NEURL1: variants seen among roughly 807,000 people sequenced by gnomAD.
NEURL1 encodes the protein neuralized E3 ubiquitin protein ligase 1.
In NEURL1, 26 loss-of-function variants were observed where a neutral mutation model predicts 41.2. The observed-to-expected ratio is 0.63, with a 90% confidence interval of 0.46 to 0.87. The LOEUF (loss-of-function observed/expected upper bound fraction) is 0.87. Ranked by LOEUF, NEURL1 falls within the 40% of genes least tolerant of loss-of-function variation. The probability of loss-of-function intolerance (pLI) is 0.00; values close to 1 mark genes in which losing one functional copy is unlikely to be tolerated. For synonymous variants in NEURL1, 400 were observed against 402.3 expected (o/e 0.99, Z 0.07); for missense variants, 761 against 871.1 (o/e 0.87, Z 1.59).
intron 1 of NEURL1, among the ~76,000 whole-genome samples, chr10:103,500,985 G>A (rs947872461): frequency 6.6e-6 from 1 of 152,138 alleles, no homozygotes; most frequent in Non-Finnish European, 1.5e-5. Flanking sequence ...AGAGTTGGAT[G>A]GGGGAGATTT....
intron 1 of NEURL1, among the ~76,000 whole-genome samples, chr10:103,564,162 G>A (rs1314637620): frequency 6.6e-6 from 1 of 152,218 alleles, no homozygotes; most frequent in Non-Finnish European, 1.5e-5. Flanking sequence ...TGAGAGGCAG[G>A]AATGTGGTCT....
intron 1 of NEURL1, among the ~76,000 whole-genome samples, chr10:103,560,655 A>T (rs1031542757): frequency 3.9e-5 from 6 of 152,148 alleles, no homozygotes; most frequent in African/African-American, 1.4e-4. Flanking sequence ...CACCCTGGGC[A>T]TGCACAGGGG....
In NEURL1 at chr10:103,571,557, G is replaced by C; in HGVS notation, c.384G>C (p.Lys128Asn). Residue 128 changes from lysine (K) to asparagine (N), a missense_variant, in exon 3 of 6, where the codon AAG (lysine) becomes AAC (asparagine). Transcript: ENST00000369780. ...CCCTGCGGCTGGGCTTCACCAGCAA[G>C]GACCCGTCCCGCATCCACCCTGACT... ...SGALRLGFTSKDPSRIHPDSL... is the reference protein window; with the variant it reads ...SGALRLGFTSNDPSRIHPDSL... 2 of 1,612,596 alleles carry C rather than the reference G, an allele frequency of 1.2e-6. No homozygotes were observed. The highest frequency in any genetic ancestry group is 2.2e-5 in the South Asian group (2 of 91,042).
intron 1 of NEURL1, among the ~76,000 whole-genome samples, chr10:103,499,746 G>A (rs1475061543): frequency 6.6e-6 from 1 of 152,034 alleles, no homozygotes; most frequent in Non-Finnish European, 1.5e-5. Context: ...TGGGGCCACT[G>A]TGCTCAGCCT....
In NEURL1 at chr10:103,556,882, G is replaced by A. The variant is rs1041244420; in HGVS notation, c.86-13990G>A. Among the ~76,000 whole-genome samples, 4 of 152,136 alleles carry A rather than the reference G, an allele frequency of 2.6e-5. No individual in the cohort carries two copies. Among genetic ancestry groups the A allele is most frequent in the South Asian group, 4.1e-4 (2 of 4,828 alleles). The stretch of plus-strand genomic sequence containing the variant: ...GCCTGTTGGCAGAGGGTCTGGAGCC[G>A]ACTGGCATTTTCCACTGGAGTCAGA... On this transcript the variant is annotated intron_variant, in intron 1 of 5. Transcript: ENST00000369780. This position sits in a 1 kb window ranked among gnomAD's most constrained non-coding sequence, Gnocchi z 4.4.
At chr10:103,548,536 T>G (rs1347556389) in intron 1 of NEURL1, among the ~76,000 whole-genome samples, 6 of 151,386 alleles carry the variant, frequency 4.0e-5, no homozygotes, top group Non-Finnish European at 4.4e-5. Flanking sequence ...TTGGCCAGGA[T>G]GGTCTCGAAC....
Position 103,558,198 on chromosome 10 carries a change from C to A in NEURL1, c.86-12674C>A. 1 of 985,346 alleles carries A rather than the reference C, an allele frequency of 1.0e-6. No homozygotes were observed. The highest frequency in any genetic ancestry group is 4.7e-5 in the South Asian group (1 of 21,278). 61.0% of individuals were successfully genotyped at this position (985,346 alleles called of 1,614,324 possible). ...TGGCTGATTGTATTTTCTTTAGGGCCTTGGACTTTCGGCTTGATTCGGGCC... is the reference window on the plus strand; with the variant it reads ...TGGCTGATTGTATTTTCTTTAGGGCATTGGACTTTCGGCTTGATTCGGGCC... On this transcript the variant is annotated intron_variant, in intron 1 of 5. Coordinates refer to ENST00000369780, the MANE Select transcript of NEURL1 (RefSeq NM_004210.5). This position sits in a 1 kb window ranked among gnomAD's most constrained non-coding sequence, Gnocchi z 4.2.
chr10:103,540,607 CACT>C (rs1325300382), intron 1 of NEURL1, among the ~76,000 whole-genome samples: 2 of 152,202 alleles, frequency 1.3e-5, no homozygotes, highest in Non-Finnish European at 2.9e-5. Flanking sequence ...TTATTTTTAT[CACT>C]ACTTTTTTCT....
At chr10:103,583,705 CAAAAAA>C (rs1228630032) in intron 3 of NEURL1, among the ~76,000 whole-genome samples, 2 of 19,560 alleles carry the variant, frequency 1.0e-4, no homozygotes, top group Non-Finnish European at 1.8e-4. Flanking sequence ...GATCCTGTCT[CAAAAAA>C]AAAAAAAAAA....
chr10:103,549,037 A>G (rs1266689245), intron 1 of NEURL1: 2 of 152,342 alleles, frequency 1.3e-5, no homozygotes, highest in African/African-American at 2.4e-5. Context: ...TCCTGGGAAT[A>G]GAAACCTGGT....
chr10:103,505,375 C>T (rs2033924510), intron 1 of NEURL1, among the ~76,000 whole-genome samples: 1 of 152,178 alleles, frequency 6.6e-6, no homozygotes, highest in East Asian at 1.9e-4. Flanking sequence ...AGGCACCTAC[C>T]ACCACACCTG....
At chr10:103,528,894 G>A (rs1174707320) in intron 1 of NEURL1, among the ~76,000 whole-genome samples, 1 of 152,144 alleles carries the variant, frequency 6.6e-6, no homozygotes, top group Admixed American at 6.5e-5. Context: ...AGCTGATTTG[G>A]GGTTGCTACC....
At chr10:103,570,848 A>T in intron 1 of NEURL1, 24 bp from the exon 2 acceptor site, 1 of 1,601,902 alleles carries the variant, frequency 6.2e-7, no homozygotes, top group Non-Finnish European at 8.5e-7. Context: ...AAGTTCTCTG[A>T]CACCGTGGCC....
At chr10:103,494,572 G>A in intron 1 of NEURL1, 100 bp downstream of exon 1, 1 of 1,073,664 alleles carries the variant, frequency 9.3e-7, no homozygotes, top group East Asian at 3.0e-5. Context: ...TGTTGTGCGT[G>A]TCTGGAGGCC....
chr10:103,552,549 C>A lies in NEURL1; in HGVS notation c.86-18323C>A, dbSNP rs1279013004. On this transcript the variant is annotated intron_variant, in intron 1 of 5. Transcript: ENST00000369780. ...TTTCAGGAAAGCCTGTCCTGAGCCT[C>A]CCAGAACCTTGCTCCTTTCTTTCAG... 5.3e-5 allele frequency among the ~76,000 whole-genome samples: 8 copies of A among 152,344 alleles called. No homozygotes were observed. The East Asian group carries it at 7.7e-4, about 15-fold the overall frequency.
At chr10:103,583,241 C>A (rs1405646003) in intron 3 of NEURL1, among the ~76,000 whole-genome samples, 1 of 151,998 alleles carries the variant, frequency 6.6e-6, no homozygotes, top group Non-Finnish European at 1.5e-5. Context: ...AGCCTGGAGT[C>A]CTTGCCCATG....
At chr10:103,555,311 GC>G in intron 1 of NEURL1, 1 of 1,268,124 alleles carries the variant, frequency 7.9e-7, no homozygotes, top group Non-Finnish European at 1.0e-6. Context: ...GAGGGGAGCA[GC>G]CGGCCGGGGC....
At chr10:103,557,358 C>T (rs2035178347) in intron 1 of NEURL1, among the ~76,000 whole-genome samples, 1 of 152,004 alleles carries the variant, frequency 6.6e-6, no homozygotes, top group Non-Finnish European at 1.5e-5. Context: ...GAAAGGCAAC[C>T]TGGGCCCAAG....
intron 1 of NEURL1, among the ~76,000 whole-genome samples, chr10:103,537,793 C>A (rs903574717): frequency 1.1e-4 from 16 of 152,166 alleles, no homozygotes; most frequent in African/African-American, 2.9e-4. Flanking sequence ...TGTGTTTTGA[C>A]ATATGCATAT....
Sources: gnomAD v4.1 joint callset for allele counts (sites outside exome capture counted in the v4.1 genomes callset) on GRCh38, gnomAD v4.1.1 for gene constraint, Gnocchi (gnomAD v3.1) non-coding constraint, MANE v1.5 for transcripts, NCBI Gene and HGNC (gene_info 2026-07-23, HGNC 2026-07-21) for gene names.